The following RORA variants were observed in gnomAD, a reference collection of about 807,000 sequenced individuals.
The protein encoded by RORA is RAR related orphan receptor A.
In RORA, 7 loss-of-function variants were observed where a neutral mutation model predicts 69.5. That is an observed-to-expected ratio of 0.10 (90% CI 0.06 to 0.19). The LOEUF is 0.19. Ranked by LOEUF, RORA falls within the 10% of genes least tolerant of loss-of-function variation. RORA has a pLI of 1.00. For synonymous variants in RORA, 261 were observed against 240.8 expected, an observed-to-expected ratio of 1.08 and a Z score of -0.78; for missense variants, 457 against 663.0, an observed-to-expected ratio of 0.69 and a Z score of 3.41.
chr15:60,942,942 C>A (rs1892745294), intron 1 of RORA, among the ~76,000 whole-genome samples: 1 of 152,248 alleles, frequency 6.6e-6, no homozygotes, highest in Non-Finnish European at 1.5e-5. Context: ...GAAATTGCAG[C>A]TCACTGAAGG....
chr15:60,509,780 TGTTCTA>T (rs1360291689), intron 5 of RORA, among the ~76,000 whole-genome samples: 1 of 127,744 alleles, frequency 7.8e-6, no homozygotes, highest in African/African-American at 2.8e-5. Flanking sequence ...GGAAGGTTTT[TGTTCTA>T]GTTCAAGAAA....
At chr15:61,168,606 G>C (rs984841846) in intron 1 of RORA, among the ~76,000 whole-genome samples, 6 of 152,026 alleles carry the variant, frequency 3.9e-5, no homozygotes, top group Non-Finnish European at 8.8e-5. Flanking sequence ...ATAAAAACGT[G>C]TGTCTTAATG....
At chr15:60,817,489 T>G (rs558579456) in intron 1 of RORA, among the ~76,000 whole-genome samples, 1 of 152,338 alleles carries the variant, frequency 6.6e-6, no homozygotes, top group African/African-American at 2.4e-5. Flanking sequence ...TGTATGTCTG[T>G]ATATAATACA....
chr15:60,749,384 T>C (rs981984555), intron 1 of RORA, among the ~76,000 whole-genome samples: 17 of 152,232 alleles, frequency 1.1e-4, no homozygotes, highest in African/African-American at 4.1e-4. Flanking sequence ...TGTAAATTAA[T>C]GGGATTTCTG....
At chr15:60,657,886 C>G (rs962817037) in intron 2 of RORA, among the ~76,000 whole-genome samples, 1 of 152,096 alleles carries the variant, frequency 6.6e-6, no homozygotes, top group Non-Finnish European at 1.5e-5. Context: ...TATTTCTTAG[C>G]CAACACTTCA....
At chr15:60,900,274 T>A (rs1356785189) in intron 1 of RORA, among the ~76,000 whole-genome samples, 2 of 144,996 alleles carry the variant, frequency 1.4e-5, no homozygotes, top group African/African-American at 2.5e-5. Flanking sequence ...TATGCTCACA[T>A]ACAGATTTCG....
intron 1 of RORA, among the ~76,000 whole-genome samples, chr15:60,883,659 A>G (rs2073717027): frequency 6.6e-6 from 1 of 152,260 alleles, no homozygotes; most frequent in Non-Finnish European, 1.5e-5. Flanking sequence ...ACAGATAATT[A>G]GAATCTTTTT....
intron 1 of RORA, among the ~76,000 whole-genome samples, chr15:60,754,865 C>T (rs540743833): frequency 6.6e-6 from 1 of 152,200 alleles, no homozygotes; most frequent in African/African-American, 2.4e-5. Context: ...CCCTTCGACT[C>T]CTTTCTCTTT....
chr15:60,956,744 C>A (rs970860799), intron 1 of RORA, among the ~76,000 whole-genome samples: 1 of 152,150 alleles, frequency 6.6e-6, no homozygotes, highest in Admixed American at 6.5e-5. Context: ...ATTACTGTTA[C>A]AATGATTACT....
intron 1 of RORA, among the ~76,000 whole-genome samples, chr15:60,817,091 A>T (rs2072828512): frequency 6.6e-6 from 1 of 152,228 alleles, no homozygotes; most frequent in African/African-American, 2.4e-5. Context: ...TGAAATGAAC[A>T]TATCATCACC....
intron 2 of RORA, among the ~76,000 whole-genome samples, chr15:60,610,086 G>A (rs1280941197): frequency 6.6e-6 from 1 of 151,894 alleles, no homozygotes; most frequent in Admixed American, 6.6e-5. Flanking sequence ...TAGAACAGAA[G>A]GGCCACCAAG....
At chr15:60,633,859 A>T (rs2069786136) in intron 2 of RORA, among the ~76,000 whole-genome samples, 1 of 152,242 alleles carries the variant, frequency 6.6e-6, no homozygotes, top group Non-Finnish European at 1.5e-5. Context: ...AGAAATGTAT[A>T]TAAAGGTATT....
At chr15:61,159,900 C>A (rs368318797) in intron 1 of RORA, among the ~76,000 whole-genome samples, 4 of 152,148 alleles carry the variant, frequency 2.6e-5, no homozygotes, top group African/African-American at 9.7e-5. Context: ...TTGTGAGGAT[C>A]TGAAGATGGG....
At chr15:60,974,594 C>T (rs1390128261) in intron 1 of RORA, among the ~76,000 whole-genome samples, 1 of 152,132 alleles carries the variant, frequency 6.6e-6, no homozygotes, top group African/African-American at 2.4e-5. Flanking sequence ...AAAATTTGTT[C>T]TGGAGTTTTA....
intron 1 of RORA, among the ~76,000 whole-genome samples, chr15:60,687,136 T>C (rs1441983573): frequency 6.6e-6 from 1 of 152,128 alleles, no homozygotes; most frequent in Non-Finnish European, 1.5e-5. Context: ...TCTGCCAAAG[T>C]GGACACAATA....
At chr15:60,558,227 A>G in intron 2 of RORA, 1 of 1,608,210 alleles carries the variant, frequency 6.2e-7, no homozygotes, top group Non-Finnish European at 8.5e-7. Context: ...TCACTTACAC[A>G]GACGCCAGTA....
intron 1 of RORA, among the ~76,000 whole-genome samples, chr15:60,984,227 T>C (rs1459845466): frequency 1.3e-5 from 2 of 152,140 alleles, no homozygotes; most frequent in East Asian, 1.9e-4. Context: ...TTTGTTCCTT[T>C]AGGTTTTAAA....
chr15:60,961,019 T>C (rs555490007), intron 1 of RORA, among the ~76,000 whole-genome samples: 34 of 152,304 alleles, frequency 2.2e-4, no homozygotes, highest in African/African-American at 8.2e-4. Flanking sequence ...TCTTCACTCT[T>C]AACTCTCAGT....
At chr15:60,968,362 C>T (rs1893617038) in intron 1 of RORA, among the ~76,000 whole-genome samples, 1 of 152,336 alleles carries the variant, frequency 6.6e-6, no homozygotes, top group Non-Finnish European at 1.5e-5. Flanking sequence ...TTGTGGGTCC[C>T]ACCCTCAGAG....
Sources: allele counts gnomAD v4.1 joint callset (sites outside exome capture counted in the v4.1 genomes callset), GRCh38; gene constraint gnomAD v4.1.1; transcripts MANE v1.5; gene names NCBI Gene and HGNC (gene_info 2026-07-23, HGNC 2026-07-21).